Variants in SYNE2 observed in about 807,000 individuals in gnomAD.
The protein encoded by SYNE2 is nesprin-2.
In SYNE2, 431 loss-of-function variants were observed where a neutral mutation model predicts 856.3. The ratio of observed to expected loss-of-function variants is 0.50; its 90% CI spans 0.47 to 0.55. SYNE2 has a LOEUF of 0.55. Ranked by LOEUF, SYNE2 falls within the 20% of genes least tolerant of loss-of-function variation. The probability of loss-of-function intolerance (pLI) is 0.00; values close to 1 mark genes in which losing one functional copy is unlikely to be tolerated. For synonymous variants in SYNE2, 2,923 were observed against 2,872.3 expected, an observed-to-expected ratio of 1.02 and a Z score of -0.56; for missense variants, 8,129 against 8,023.2, an observed-to-expected ratio of 1.01 and a Z score of -0.50.
intron 1 of SYNE2, among the ~76,000 whole-genome samples, chr14:63,876,778 G>A (rs1255668074): frequency 1.3e-5 from 2 of 152,114 alleles, no homozygotes; most frequent in African/African-American, 2.4e-5. Flanking sequence ...GAGCCACTGC[G>A]CCTGGCCCCC....
At chr14:64,002,148 A>G in intron 29 of SYNE2, 67 bp downstream of exon 29, 1 of 1,315,108 alleles carries the variant, frequency 7.6e-7, no homozygotes, top group South Asian at 1.2e-5. Flanking sequence ...ATAAATCCTT[A>G]TGGATTTTTA....
rs568200965 is a variant in SYNE2, at chr14:64,102,165, G to A, written c.12492+123G>A. On this transcript the variant is annotated intron_variant, in intron 64 of 115. Coordinates refer to ENST00000555002, the MANE Select transcript of SYNE2 (RefSeq NM_182914.3). ...ACGGACTCGCTCTGTCGCCCAGACT[G>A]GAGTGCAGTCGTATGATCTCAGCTC... 1.1e-5 allele frequency: 8 copies of A among 714,840 alleles called. No individual in the cohort carries two copies. In the Admixed American group the frequency reaches 1.4e-4, roughly 13 times the overall value. The allele number at this position is 714,840 out of a possible 1,614,324, so 44.3% of individuals were successfully genotyped here. A position where few individuals can be genotyped will look rare whatever the true frequency, so the allele number is the denominator to read the frequency against.
At chr14:64,010,261 T>C in intron 32 of SYNE2, 145 bp downstream of exon 32, 1 of 912,760 alleles carries the variant, frequency 1.1e-6, no homozygotes, top group Non-Finnish European at 1.7e-6. Context: ...ATCTAAAAAT[T>C]TGTTGTATTC....
chr14:64,116,486 C>T (rs2097854779), intron 66 of SYNE2, among the ~76,000 whole-genome samples: 1 of 152,060 alleles, frequency 6.6e-6, no homozygotes, highest in African/African-American at 2.4e-5. Flanking sequence ...GGCACAGTCT[C>T]GGCACACTGC....
intron 61 of SYNE2, among the ~76,000 whole-genome samples, chr14:64,097,667 A>G (rs1317212974): frequency 6.6e-6 from 1 of 152,212 alleles, no homozygotes; most frequent in African/African-American, 2.4e-5. Flanking sequence ...TCACGTGTGG[A>G]GCATGTTACA....
In SYNE2 at chr14:64,078,575, A is replaced by G; in HGVS notation, c.11132A>G (p.Lys3711Arg). ...GAAAAGATGTTGCAGCAGAAAAGCA[A>G]AAATATTGAGAAAGCTCAAGAAATT... ...NVEKMLQQKS[K>R]NIEKAQEIQK... Residue 3711 changes from lysine (K) to arginine (R), a missense_variant, in exon 55 of 116, where the codon AAA becomes AGA. By Grantham distance (26) the Lys-to-Arg change is conservative. Coordinates refer to ENST00000555002, the MANE Select transcript of SYNE2 (RefSeq NM_182914.3). 1 of 1,614,166 alleles carries G rather than the reference A, an allele frequency of 6.2e-7. No homozygotes were observed. The highest frequency in any genetic ancestry group is 8.5e-7 in the Non-Finnish European group (1 of 1,180,006).
Position 63,953,040 on chromosome 14 carries a change from C to T in SYNE2, c.591-1679C>T, listed in dbSNP as rs142855147. Among the ~76,000 whole-genome samples the T allele has an allele frequency of 1.7e-3, 266 of 152,032 alleles. 1 individual carries two copies. Among genetic ancestry groups the T allele is most frequent in the Non-Finnish European group, 2.1e-3 (142 of 67,996 alleles). ...TTTTTTAAAAATATGTGTCTTAAGC[C>T]CTGGTGATATGCCAGGCATTGTTTG... On this transcript the variant is annotated intron_variant, in intron 7 of 115. Coordinates refer to ENST00000555002, the MANE Select transcript of SYNE2 (RefSeq NM_182914.3).
At chr14:63,958,552 A>G (rs955060716) in intron 8 of SYNE2, among the ~76,000 whole-genome samples, 6 of 152,130 alleles carry the variant, frequency 3.9e-5, no homozygotes, top group African/African-American at 1.4e-4. Flanking sequence ...AACATGATTT[A>G]TTACTGTCAA....
At chr14:64,215,676 A>G in intron 107 of SYNE2, 1 of 382,870 alleles carries the variant, frequency 2.6e-6, no homozygotes, top group Non-Finnish European at 4.8e-6. Flanking sequence ...AGCTTTCTTC[A>G]TGGTGGCTTG....
chr14:64,208,977 C>T (rs774294153), intron 101 of SYNE2, 32 bp downstream of exon 101: 1 of 1,605,732 alleles, frequency 6.2e-7, no homozygotes, highest in African/African-American at 1.3e-5. Flanking sequence ...ATGCCTTCAG[C>T]GTGGTCAGCC....
At chr14:64,116,125 T>G (rs945281851) in intron 66 of SYNE2, among the ~76,000 whole-genome samples, 1 of 145,660 alleles carries the variant, frequency 6.9e-6, no homozygotes, top group Non-Finnish European at 1.5e-5. Flanking sequence ...GAGCTATGAT[T>G]GCACCACTGC....
At chr14:63,972,849 T>A (rs2153460376) in intron 11 of SYNE2, among the ~76,000 whole-genome samples, 1 of 152,378 alleles carries the variant, frequency 6.6e-6, no homozygotes, top group South Asian at 2.1e-4. Context: ...CTAGAGGTAT[T>A]GCTCTTAGCC....
chr14:64,002,611 A>G lies in SYNE2; in HGVS notation c.3787-109A>G, dbSNP rs1045892518. 3.9e-6 allele frequency: 5 copies of G among 1,284,858 alleles called. No homozygotes were observed. The African/African-American group carries it at 6.0e-5, about 15-fold the overall frequency. 79.6% of individuals were successfully genotyped at this position (1,284,858 alleles called of 1,614,324 possible). A position where few individuals can be genotyped will look rare whatever the true frequency, so the allele number is the denominator to read the frequency against. ...AAACTGTCACCTTTTGTTAAACTCA[A>G]AAGCATTTTTCTAGATCAAATCTAG... On this transcript the variant is annotated intron_variant, in intron 29 of 115. Coordinates refer to ENST00000555002, the MANE Select transcript of SYNE2 (RefSeq NM_182914.3).
At chr14:63,788,578 G>T (rs1887625094) in intron 1 of SYNE2, among the ~76,000 whole-genome samples, 1 of 152,162 alleles carries the variant, frequency 6.6e-6, no homozygotes. Context: ...GGAGCAGGAG[G>T]CCCAGGTCTA....
intron 1 of SYNE2, among the ~76,000 whole-genome samples, chr14:63,895,418 T>C (rs1204589557): frequency 1.3e-5 from 2 of 151,534 alleles, no homozygotes; most frequent in Non-Finnish European, 2.9e-5. Context: ...CAAATTTCCA[T>C]TTTCTACTAC....
chr14:63,838,104 T>A (rs1056960086), intron 1 of SYNE2, among the ~76,000 whole-genome samples: 2 of 152,108 alleles, frequency 1.3e-5, no homozygotes, highest in African/African-American at 4.8e-5. Context: ...GCACAGTGGC[T>A]GACGCCTGTA....
At chr14:63,828,310 T>C (rs1889539515) in intron 1 of SYNE2, among the ~76,000 whole-genome samples, 1 of 152,130 alleles carries the variant, frequency 6.6e-6, no homozygotes, top group African/African-American at 2.4e-5. Context: ...ATTTACATTA[T>C]GTTAGGTATT....
At chr14:64,144,439 T>G (rs1306607636) in intron 83 of SYNE2, among the ~76,000 whole-genome samples, 1 of 152,210 alleles carries the variant, frequency 6.6e-6, no homozygotes, top group Non-Finnish European at 1.5e-5. Flanking sequence ...GTGTTTACTG[T>G]GTAGAGAATG....
Position 64,140,025 on chromosome 14 carries a change from T to G in SYNE2, c.14928T>G (p.Asn4976Lys). Residue 4976 changes from asparagine (N) to lysine (K), a missense_variant, in exon 80 of 116, where the codon AAT (asparagine) becomes AAG (lysine). Physicochemically the swap from Asn to Lys is moderately conservative, Grantham distance 94 (BLOSUM62 0). Coordinates refer to ENST00000555002, the MANE Select transcript of SYNE2 (RefSeq NM_182914.3). ...ATTACTGGAAAGAACAGTCCCTCAA[T>G]GTGTCTCAGGACTTGGATACAATCA... ...TLNYWKEQSL[N>K]VSQDLDTIRS... 1 of 1,614,028 alleles carries G rather than the reference T, an allele frequency of 6.2e-7. No individual in the cohort carries two copies. Among genetic ancestry groups the G allele is most frequent in the East Asian group, 2.2e-5 (1 of 44,866 alleles).
Sources: gnomAD v4.1 joint callset for allele counts (sites outside exome capture counted in the v4.1 genomes callset) on GRCh38, gnomAD v4.1.1 for gene constraint, MANE v1.5 for transcripts, NCBI Gene and HGNC (gene_info 2026-07-23, HGNC 2026-07-21) for gene names.